The following BABAM2 variants were observed in gnomAD, a reference collection of about 807,000 sequenced individuals.
The protein encoded by BABAM2 is BRISC and BRCA1-A complex member 2.
A neutral mutation model predicts 54.7 loss-of-function variants in BABAM2; 31 were observed. The observed-to-expected ratio is 0.57, with a 90% confidence interval of 0.43 to 0.77. The LOEUF (loss-of-function observed/expected upper bound fraction) is 0.77. Among genes scored for constraint, BABAM2 ranks in the 30% least tolerant of loss-of-function variants. BABAM2 has a pLI of 0.00. For missense variants in BABAM2, 364 were observed against 455.8 expected, an observed-to-expected ratio of 0.80 and a Z score of 1.83; for synonymous variants, 167 against 162.9, an observed-to-expected ratio of 1.03 and a Z score of -0.19.
At chr2:28,207,274 T>C (rs1299201777) in intron 7 of BABAM2, among the ~76,000 whole-genome samples, 1 of 151,282 alleles carries the variant, frequency 6.6e-6, no homozygotes, top group African/African-American at 2.4e-5. Context: ...GAGGCCAAGG[T>C]GGGAGAATTG....
intron 7 of BABAM2, among the ~76,000 whole-genome samples, chr2:28,193,744 T>C (rs1244035918): frequency 1.3e-5 from 2 of 152,196 alleles, no homozygotes; most frequent in African/African-American, 4.8e-5. Context: ...ACTATGGCCA[T>C]GATCCTTCAA....
intron 7 of BABAM2, among the ~76,000 whole-genome samples, chr2:28,175,528 A>G (rs7581953): frequency 0.071 from 10,807 of 152,238 alleles, 432 homozygotes; most frequent in African/African-American, 0.096. Flanking sequence ...TGGCCCACCC[A>G]GCCTGTTGCC....
chr2:28,109,565 G>A (rs1667823873), intron 6 of BABAM2, among the ~76,000 whole-genome samples: 1 of 152,016 alleles, frequency 6.6e-6, no homozygotes, highest in African/African-American at 2.4e-5. Context: ...AGATGTCTAA[G>A]GTCCTTTTTA....
At chr2:28,219,809 G>A (rs1680234225) in intron 7 of BABAM2, among the ~76,000 whole-genome samples, 1 of 152,210 alleles carries the variant, frequency 6.6e-6, no homozygotes, top group Non-Finnish European at 1.5e-5. Context: ...GTGCTTGAAG[G>A]TTGCTTGAGC....
intron 4 of BABAM2, among the ~76,000 whole-genome samples, chr2:28,013,687 A>C (rs1674573290): frequency 9.3e-6 from 1 of 107,174 alleles, no homozygotes; most frequent in Non-Finnish European, 1.9e-5. Flanking sequence ...AAAAAAAAAA[A>C]AGCTCTTACA....
intron 7 of BABAM2, among the ~76,000 whole-genome samples, chr2:28,216,953 G>C (rs962114663): frequency 2.0e-5 from 3 of 152,238 alleles, no homozygotes; most frequent in Non-Finnish European, 2.9e-5. Flanking sequence ...CGCTCTGCCA[G>C]AAGGTCATTT....
chr2:27,965,585 T>TA (rs1213181033), intron 3 of BABAM2, among the ~76,000 whole-genome samples: 3 of 152,026 alleles, frequency 2.0e-5, no homozygotes, highest in East Asian at 1.9e-4. Context: ...TGACACACTT[T>TA]AAAAAAAATC....
chr2:27,952,982 G>A (rs896667531), intron 3 of BABAM2, among the ~76,000 whole-genome samples: 1 of 152,032 alleles, frequency 6.6e-6, no homozygotes, highest in African/African-American at 2.4e-5. Context: ...ATATTGGCAC[G>A]TGAAAAAGAA....
At chr2:27,952,689 T>A (rs1181168808) in intron 3 of BABAM2, among the ~76,000 whole-genome samples, 2 of 152,208 alleles carry the variant, frequency 1.3e-5, no homozygotes, top group Non-Finnish European at 2.9e-5. Context: ...GTGCTCCAAA[T>A]GTTACAGGCA....
chr2:28,183,207 G>T (rs1675830688), intron 7 of BABAM2, among the ~76,000 whole-genome samples: 1 of 152,198 alleles, frequency 6.6e-6, no homozygotes, highest in African/African-American at 2.4e-5. Flanking sequence ...GGGAGGCCGA[G>T]TGGGGTGGAT....
At chr2:28,101,535 A>G (rs1363382234) in intron 6 of BABAM2, among the ~76,000 whole-genome samples, 2 of 152,272 alleles carry the variant, frequency 1.3e-5, no homozygotes, top group Admixed American at 1.3e-4. Flanking sequence ...GGGCTGAGAT[A>G]GAGTCTGTCT....
At chr2:28,263,152 AAAAG>A (rs1206563331) in intron 10 of BABAM2, among the ~76,000 whole-genome samples, 3 of 150,470 alleles carry the variant, frequency 2.0e-5, no homozygotes, top group Admixed American at 6.6e-5. Flanking sequence ...AAAAAAGAAG[AAAAG>A]AAAGGAAGGA....
intron 3 of BABAM2, among the ~76,000 whole-genome samples, chr2:27,964,101 A>C (rs1215044006): frequency 2.0e-5 from 3 of 152,182 alleles, no homozygotes; most frequent in Non-Finnish European, 4.4e-5. Flanking sequence ...GTCTCTTGAT[A>C]CCAGATTAGT....
chr2:28,180,179 A>G (rs1442465851), intron 7 of BABAM2, among the ~76,000 whole-genome samples: 1 of 152,142 alleles, frequency 6.6e-6, no homozygotes, highest in Non-Finnish European at 1.5e-5. Flanking sequence ...AGCAAAAAGA[A>G]CAAAGCTGAA....
chr2:28,286,477 C>T (rs1458389073), intron 10 of BABAM2, among the ~76,000 whole-genome samples: 1 of 152,180 alleles, frequency 6.6e-6, no homozygotes, highest in East Asian at 1.9e-4. Flanking sequence ...CTCTCTGCTC[C>T]AGCTTCTGTC....
chr2:28,186,414 G>A (rs1676283861), intron 7 of BABAM2, among the ~76,000 whole-genome samples: 2 of 152,084 alleles, frequency 1.3e-5, no homozygotes, highest in Admixed American at 1.3e-4. Context: ...ACATTTTAGA[G>A]GATGTTACAC....
chr2:28,196,392 T>G (rs1677562368), intron 7 of BABAM2, among the ~76,000 whole-genome samples: 1 of 152,074 alleles, frequency 6.6e-6, no homozygotes, highest in African/African-American at 2.4e-5. Context: ...GTGTATATGA[T>G]TTGGTTAAGC....
chr2:27,935,777 A>C (rs182176012), intron 3 of BABAM2, among the ~76,000 whole-genome samples: 1 of 152,340 alleles, frequency 6.6e-6, no homozygotes. Flanking sequence ...GCCCTTCAGC[A>C]ACTACCACTG....
At chr2:28,317,827 C>G (rs1037206426) in intron 11 of BABAM2, among the ~76,000 whole-genome samples, 1 of 152,164 alleles carries the variant, frequency 6.6e-6, no homozygotes, top group Non-Finnish European at 1.5e-5. Context: ...CTTTTCCCAG[C>G]CTTTTCTTCA....
Sources: allele counts gnomAD v4.1 joint callset (sites outside exome capture counted in the v4.1 genomes callset), GRCh38; gene constraint gnomAD v4.1.1; transcripts MANE v1.5; gene names NCBI Gene and HGNC (gene_info 2026-07-23, HGNC 2026-07-21).